PRKG1: variants seen among roughly 807,000 people sequenced by gnomAD.
PRKG1 encodes the protein protein kinase cGMP-dependent 1.
PRKG1 carries 35 observed loss-of-function variants against 88.1 expected under a neutral mutation model. The observed-to-expected ratio is 0.40, with a 90% confidence interval of 0.30 to 0.53. PRKG1 has a LOEUF of 0.53. PRKG1 is among the 20% of genes least tolerant of loss of function. The pLI is 0.59. For synonymous variants in PRKG1, 303 were observed against 292.5 expected, an observed-to-expected ratio of 1.04 and a Z score of -0.37; for missense variants, 540 against 839.8, an observed-to-expected ratio of 0.64 and a Z score of 4.41.
At chr10:51,880,966 T>TA (rs1479507140) in intron 4 of PRKG1, among the ~76,000 whole-genome samples, 1 of 133,026 alleles carries the variant, frequency 7.5e-6, no homozygotes, top group African/African-American at 2.9e-5. Context: ...GAAAGTGCTC[T>TA]AAAGAAAAAA....
At chr10:51,311,150 CT>C (rs1281404136) in intron 2 of PRKG1, among the ~76,000 whole-genome samples, 3 of 152,266 alleles carry the variant, frequency 2.0e-5, no homozygotes, top group African/African-American at 7.2e-5. Context: ...TCCATGAAGC[CT>C]TTCTTAAAAT....
chr10:51,355,229 G>A (rs1019463274), intron 2 of PRKG1, among the ~76,000 whole-genome samples: 1 of 152,026 alleles, frequency 6.6e-6, no homozygotes, highest in African/African-American at 2.4e-5. Context: ...TTAGAGGTAC[G>A]TAATACAAAA....
At chr10:52,223,512 A>G (rs757351422) in intron 9 of PRKG1, among the ~76,000 whole-genome samples, 14 of 152,114 alleles carry the variant, frequency 9.2e-5, no homozygotes, top group Non-Finnish European at 1.5e-4. Flanking sequence ...GGCATGCTTC[A>G]CAACTCAATC....
At chr10:51,475,480 A>G (rs899518220) in intron 3 of PRKG1, among the ~76,000 whole-genome samples, 4 of 152,036 alleles carry the variant, frequency 2.6e-5, no homozygotes, top group African/African-American at 9.7e-5. Flanking sequence ...ACACATATGC[A>G]TACTATCATG....
chr10:52,022,180 C>G (rs1192858226), intron 5 of PRKG1, among the ~76,000 whole-genome samples: 6 of 152,110 alleles, frequency 3.9e-5, no homozygotes, highest in Non-Finnish European at 8.8e-5. Context: ...TGTCCAACTG[C>G]AAGCTAATAT....
chr10:52,125,751 A>T (rs1201356222), intron 7 of PRKG1: 2 of 152,218 alleles, frequency 1.3e-5, no homozygotes, highest in African/African-American at 4.8e-5. Context: ...ATATGTTTTC[A>T]TCATAGATCT....
chr10:51,754,926 C>T (rs1180874828), intron 3 of PRKG1, among the ~76,000 whole-genome samples: 5 of 151,174 alleles, frequency 3.3e-5, no homozygotes, highest in African/African-American at 1.2e-4. Context: ...ATTGGCTCCC[C>T]ACAGGCACTG....
chr10:51,710,711 A>T (rs571320906), intron 3 of PRKG1, among the ~76,000 whole-genome samples: 1 of 152,268 alleles, frequency 6.6e-6, no homozygotes, highest in Non-Finnish European at 1.5e-5. Flanking sequence ...ATTAAATTTA[A>T]ATATCATTGT....
At chr10:52,240,073 G>A (rs536982361) in intron 9 of PRKG1, among the ~76,000 whole-genome samples, 1 of 152,266 alleles carries the variant, frequency 6.6e-6, no homozygotes, top group South Asian at 2.1e-4. Flanking sequence ...CCTTTCCAAG[G>A]TAAAAGTTAT....
intron 3 of PRKG1, among the ~76,000 whole-genome samples, chr10:51,757,616 G>T (rs559499922): frequency 3.3e-5 from 5 of 152,114 alleles, no homozygotes; most frequent in African/African-American, 1.2e-4. Context: ...GCCACAAGTG[G>T]TTACTGAGCA....
chr10:52,133,709 A>G, intron 7 of PRKG1, 131 bp from the exon 8 acceptor site: 1 of 689,136 alleles, frequency 1.5e-6, no homozygotes, highest in Non-Finnish European at 2.3e-6. Context: ...AACATAAACA[A>G]AGCTTAAGCC....
chr10:51,780,022 A>G (rs1354840543), intron 3 of PRKG1, among the ~76,000 whole-genome samples: 1 of 152,144 alleles, frequency 6.6e-6, no homozygotes, highest in Non-Finnish European at 1.5e-5. Context: ...CCTCTGTTTG[A>G]TGACCTAGTT....
intron 3 of PRKG1, among the ~76,000 whole-genome samples, chr10:51,677,197 A>C (rs573221200): frequency 6.6e-6 from 1 of 152,174 alleles, no homozygotes; most frequent in South Asian, 2.1e-4. Context: ...ATATTGTTGC[A>C]TGTGATTGTA....
rs192241104 is a variant in PRKG1 at position 51,511,922 on chromosome 10, C to A, written c.592+44086C>A. Among the ~76,000 whole-genome samples, 94 of 152,276 alleles carry A rather than the reference C, an allele frequency of 6.2e-4. 1 individual carries two copies. The highest frequency in any genetic ancestry group is 2.2e-3 in the African/African-American group (93 of 41,558). On this transcript the variant is annotated intron_variant, in intron 3 of 17. Coordinates refer to ENST00000373980, the MANE Select transcript of PRKG1 (RefSeq NM_006258.4). Reference sequence around the variant, plus strand: ...ATATATAAATTAACTGTGGTGTATTCATACACTGAAATACTGCACAGCAAT... The same window carrying A: ...ATATATAAATTAACTGTGGTGTATTAATACACTGAAATACTGCACAGCAAT...
chr10:51,989,449 G>T (rs1844246588), intron 5 of PRKG1, among the ~76,000 whole-genome samples: 1 of 152,040 alleles, frequency 6.6e-6, no homozygotes, highest in African/African-American at 2.4e-5. Context: ...AATAATTCAA[G>T]GTCAAGTCAA....
At chr10:52,097,538 T>C (rs1469621278) in intron 7 of PRKG1, among the ~76,000 whole-genome samples, 2 of 152,128 alleles carry the variant, frequency 1.3e-5, no homozygotes, top group East Asian at 3.8e-4. Flanking sequence ...CTATATCTTT[T>C]CAGTTCAGCA....
At chr10:51,400,075 A>G (rs1365241150) in intron 2 of PRKG1, among the ~76,000 whole-genome samples, 1 of 151,906 alleles carries the variant, frequency 6.6e-6, no homozygotes, top group Non-Finnish European at 1.5e-5. Context: ...GGTTGTTTCT[A>G]TCTAAGAACC....
intron 1 of PRKG1, among the ~76,000 whole-genome samples, chr10:51,075,996 G>T (rs1213958615): frequency 6.6e-6 from 1 of 152,168 alleles, no homozygotes; most frequent in African/African-American, 2.4e-5. Flanking sequence ...TGGCTGGATG[G>T]CACGTGTTAC....
At chr10:51,531,244 T>C (rs771680629) in intron 3 of PRKG1, among the ~76,000 whole-genome samples, 5 of 152,230 alleles carry the variant, frequency 3.3e-5, no homozygotes, top group Non-Finnish European at 5.9e-5. Flanking sequence ...AATTGAAGTA[T>C]GCAATAAGCT....
Sources: gnomAD v4.1 joint callset for allele counts (sites outside exome capture counted in the v4.1 genomes callset) on GRCh38, gnomAD v4.1.1 for gene constraint, MANE v1.5 for transcripts, NCBI Gene and HGNC (gene_info 2026-07-23, HGNC 2026-07-21) for gene names.